The following NAA35 variants were observed in gnomAD, a reference collection of about 807,000 sequenced individuals.
NAA35 encodes MAK10 homolog, amino-acid N-acetyltransferase subunit.
NAA35 carries 18 observed loss-of-function variants against 101.7 expected under a neutral mutation model. The ratio of observed to expected loss-of-function variants is 0.18; its 90% CI spans 0.12 to 0.26. The LOEUF (loss-of-function observed/expected upper bound fraction) is 0.26. Among genes scored for constraint, NAA35 ranks in the 10% least tolerant of loss-of-function variants. The pLI is 1.00. For synonymous variants in NAA35, 267 were observed against 273.1 expected, an observed-to-expected ratio of 0.98 and a Z score of 0.22; for missense variants, 601 against 886.8, an observed-to-expected ratio of 0.68 and a Z score of 4.09.
rs983543376 is a variant in NAA35 at position 86,017,661 on chromosome 9, A to C, written c.1773+96A>C. The C allele has an allele frequency of 4.9e-6, 5 of 1,015,986 alleles. No individual in the cohort carries two copies. The African/African-American group carries it at 6.6e-5, about 13-fold the overall frequency. The allele number at this position is 1,015,986 out of a possible 1,614,324, so 62.9% of individuals were successfully genotyped here. A position where few individuals can be genotyped will look rare whatever the true frequency, so the allele number is the denominator to read the frequency against. On this transcript the variant is annotated intron_variant, in intron 19 of 22. Coordinates refer to ENST00000361671, the MANE Select transcript of NAA35 (RefSeq NM_024635.4). ...TTTCTGTGATTCTTTCCATATTATAATTTCACCTTTGTTTTACTTCCTGTC... is the reference window on the plus strand; with the variant it reads ...TTTCTGTGATTCTTTCCATATTATACTTTCACCTTTGTTTTACTTCCTGTC...
At position 85,945,595 on chromosome 9, in the gene NAA35, G is replaced by A. The variant is rs192175976; in HGVS notation, c.124+3312G>A. Among the ~76,000 whole-genome samples the A allele has an allele frequency of 3.4e-3, 521 of 151,290 alleles. 11 individuals are homozygous for A. The highest frequency in any genetic ancestry group is 0.029 in the Admixed American group (435 of 15,198). On this transcript the variant is annotated intron_variant, in intron 2 of 22. Coordinates refer to ENST00000361671, the MANE Select transcript of NAA35 (RefSeq NM_024635.4). ...GGCTGGAGTGCAGTGGTGCTGTCTC[G>A]GCTCACTCGACCTCCCGGGTTCACG...
At chr9:85,969,066 G>T (rs927338248) in intron 6 of NAA35, among the ~76,000 whole-genome samples, 1 of 151,974 alleles carries the variant, frequency 6.6e-6, no homozygotes, top group Non-Finnish European at 1.5e-5. Context: ...TCCAGCTTCA[G>T]TCTGCATCAC....
intron 13 of NAA35, among the ~76,000 whole-genome samples, chr9:86,006,244 C>T (rs1241993809): frequency 6.6e-6 from 1 of 152,046 alleles, no homozygotes; most frequent in Non-Finnish European, 1.5e-5. Flanking sequence ...TGTGGTTCAG[C>T]TGCTTTGGAA....
intron 2 of NAA35, among the ~76,000 whole-genome samples, chr9:85,946,364 T>A (rs1298674015): frequency 6.6e-6 from 1 of 152,162 alleles, no homozygotes; most frequent in African/African-American, 2.4e-5. Context: ...CTCCTGGCCT[T>A]AAGGGATCCT....
rs1039079430 is a variant in NAA35, at chr9:85,962,044, A to G, written c.380A>G (p.Gln127Arg). 7.4e-6 allele frequency: 12 copies of G among 1,613,208 alleles called. No homozygotes were observed. The highest frequency in any genetic ancestry group is 1.0e-5 in the Non-Finnish European group (12 of 1,179,716). ...ITWLEGHSLA[Q>R]TVFTCLYIHN... ...TGGTTAGAAGGCCATTCACTGGCACAGACAGTATTTACGTGCCTTTACATT... is the reference window on the plus strand; with the variant it reads ...TGGTTAGAAGGCCATTCACTGGCACGGACAGTATTTACGTGCCTTTACATT... Residue 127 changes from glutamine (Q) to arginine (R), a missense_variant, in exon 6 of 23, where the codon CAG (glutamine) becomes CGG (arginine). Gln to Arg is a conservative substitution (Grantham distance 43, BLOSUM62 1). Transcript: ENST00000361671.
In NAA35 at chr9:86,021,141, G is replaced by A. The variant is rs140043217; in HGVS notation, c.2118+172G>A. 2.9e-3 allele frequency among the ~76,000 whole-genome samples: 437 copies of A among 152,272 alleles called. 5 individuals are homozygous for A. In the South Asian group the frequency reaches 0.033, roughly 12 times the overall value. ...AGCTTGCCATTTTGTCTTGAGATGTGTATTTTGTTGAGTTAAAATTTCTAA... is the reference window on the plus strand; with the variant it reads ...AGCTTGCCATTTTGTCTTGAGATGTATATTTTGTTGAGTTAAAATTTCTAA... On this transcript the variant is annotated intron_variant, in intron 22 of 22. Coordinates refer to ENST00000361671, the MANE Select transcript of NAA35 (RefSeq NM_024635.4).
At chr9:85,959,949 T>A in intron 5 of NAA35, 82 bp downstream of exon 5, 1 of 979,174 alleles carries the variant, frequency 1.0e-6, no homozygotes, top group East Asian at 2.5e-5. Context: ...TATACACTAA[T>A]GTTGAGTATG....
chr9:85,982,173 A>G (rs1001374399), intron 11 of NAA35, among the ~76,000 whole-genome samples: 5 of 152,196 alleles, frequency 3.3e-5, no homozygotes, highest in Non-Finnish European at 7.3e-5. Flanking sequence ...TGACGTGGTT[A>G]CATGGAGCAC....
intron 6 of NAA35, among the ~76,000 whole-genome samples, chr9:85,966,000 A>G (rs1564294665): frequency 6.6e-6 from 1 of 152,126 alleles, no homozygotes; most frequent in Non-Finnish European, 1.5e-5. Context: ...GTGCAGCGGC[A>G]TGATCGTAGC....
chr9:85,942,047 A>G lies in NAA35; in HGVS notation c.-5-108A>G, dbSNP rs191463794. 1.1e-5 allele frequency: 17 copies of G among 1,480,966 alleles called. No individual in the cohort carries two copies. The African/African-American group carries it at 2.4e-4, about 21-fold the overall frequency. The allele number at this position is 1,480,966 out of a possible 1,614,324, so 91.7% of individuals were successfully genotyped here. A position where few individuals can be genotyped will look rare whatever the true frequency, so the allele number is the denominator to read the frequency against. On this transcript the variant is annotated intron_variant, in intron 1 of 22. Transcript: ENST00000361671. The stretch of plus-strand genomic sequence containing the variant: ...TTAGACTCAGAAGAGTTCTGCTTTA[A>G]AGAGTTTAGTTAAGACTTCATCCTA...
chr9:86,018,502 T>C (rs1026572833), intron 20 of NAA35, 107 bp downstream of exon 20: 1 of 1,371,912 alleles, frequency 7.3e-7, no homozygotes, highest in African/African-American at 1.5e-5. Context: ...ATTTAAATCA[T>C]AAGAATAATA....
At chr9:86,018,460 T>C (rs1832343035) in intron 20 of NAA35, 65 bp downstream of exon 20, 4 of 1,522,658 alleles carry the variant, frequency 2.6e-6, no homozygotes, top group Non-Finnish European at 2.7e-6. Context: ...GAGATGCTGT[T>C]TGTACCTAGC....
Position 86,023,326 on chromosome 9 carries a change from A to C in NAA35, c.*1366A>C, listed in dbSNP as rs1832648933. On this transcript the variant is annotated 3_prime_UTR_variant, in exon 23 of 23. Transcript: ENST00000361671. ...GAGTATACCTGTTACTGATGTAGTT[A>C]CTTTGTTGAGAATGAAAACTGTTTC... 6.6e-6 allele frequency among the ~76,000 whole-genome samples: 1 copy of C among 152,228 alleles called. No individual in the cohort carries two copies. The highest frequency in any genetic ancestry group is 1.5e-5 in the Non-Finnish European group (1 of 68,042).
At position 85,950,794 on chromosome 9, in the gene NAA35, A is replaced by G. The variant is rs184159481; in HGVS notation, c.125-5566A>G. On this transcript the variant is annotated intron_variant, in intron 2 of 22. Coordinates refer to ENST00000361671, the MANE Select transcript of NAA35 (RefSeq NM_024635.4). ...GTCTATGTATGTATTACATATATAT[A>G]TGTGTTTATTATAATTTAAAACTGA... Among the ~76,000 whole-genome samples the G allele has an allele frequency of 8.3e-4, 126 of 152,276 alleles. 2 individuals are homozygous for G. The highest frequency in any genetic ancestry group is 8.0e-3 in the Admixed American group (123 of 15,300).
At position 86,018,242 on chromosome 9, in the gene NAA35, CT is replaced by C; in HGVS notation, c.1774-8del. On this transcript the variant is annotated splice_polypyrimidine_tract_variant and intron_variant, in intron 19 of 22. Coordinates refer to ENST00000361671, the MANE Select transcript of NAA35 (RefSeq NM_024635.4). The stretch of plus-strand genomic sequence containing the variant: ...TTGATTTCATCTTTTTTCTTATTCC[CT>C]TTTTCATTTAGACCATGGTAGCATT... 1.3e-6 allele frequency: 2 copies of C among 1,597,098 alleles called. No individual in the cohort carries two copies. Among genetic ancestry groups the C allele is most frequent in the Non-Finnish European group, 1.7e-6 (2 of 1,168,854 alleles).
chr9:86,021,507 C>G (rs1832553465), intron 22 of NAA35, among the ~76,000 whole-genome samples: 1 of 151,794 alleles, frequency 6.6e-6, no homozygotes, highest in South Asian at 2.1e-4. Context: ...TGTGATCTGC[C>G]TTCCTCCTCT....
rs776821188 is a variant in NAA35, at chr9:86,018,370, C to T, written c.1889C>T (p.Pro630Leu). ...FAPFNSVMTP[P>L]PVHYLQFKEM... Reference sequence around the variant, plus strand: ...CCATTCAACAGTGTGATGACCCCGCCGCCAGTGCACTACTTACAGTTCAAG... The same window carrying T: ...CCATTCAACAGTGTGATGACCCCGCTGCCAGTGCACTACTTACAGTTCAAG... The change falls in exon 20 of 23, where the codon CCG becomes CTG. Residue 630 changes from proline to leucine, a missense_variant. By Grantham distance (98) the Pro-to-Leu change is moderately conservative. Around this residue, in one of 8 missense-constraint regions of NAA35, gnomAD observed 90 missense variants for 108.7 expected, o/e 0.83. Coordinates refer to ENST00000361671, the MANE Select transcript of NAA35 (RefSeq NM_024635.4). 18 of 1,613,298 alleles carry T rather than the reference C, an allele frequency of 1.1e-5. No individual in the cohort carries two copies. Among genetic ancestry groups the T allele is most frequent in the East Asian group, 2.2e-5 (1 of 44,854 alleles).
chr9:85,982,676 A>G (rs1413103401), intron 11 of NAA35, among the ~76,000 whole-genome samples: 4 of 152,220 alleles, frequency 2.6e-5, no homozygotes, highest in Non-Finnish European at 4.4e-5. Context: ...CAGTTTCAAG[A>G]GGACTTGTCA....
chr9:85,945,839 G>T (rs1384855326), intron 2 of NAA35, among the ~76,000 whole-genome samples: 1 of 152,040 alleles, frequency 6.6e-6, no homozygotes, highest in Non-Finnish European at 1.5e-5. Context: ...GATTTTTTTA[G>T]TACCACAAAA....
Sources: gnomAD v4.1 joint callset for allele counts (sites outside exome capture counted in the v4.1 genomes callset) on GRCh38, gnomAD v4.1.1 for gene constraint, gnomAD v4.1.1 regional missense constraint, MANE v1.5 for transcripts, NCBI Gene and HGNC (gene_info 2026-07-23, HGNC 2026-07-21) for gene names.